The following MACROD2 variants were observed in gnomAD, a reference collection of about 807,000 sequenced individuals.
MACROD2 encodes ADP-ribose glycohydrolase MACROD2.
In MACROD2, 36 loss-of-function variants were observed where a neutral mutation model predicts 70.4. The ratio of observed to expected loss-of-function variants is 0.51; its 90% confidence interval spans 0.39 to 0.68. The LOEUF (loss-of-function observed/expected upper bound fraction) is 0.68. Among genes scored for constraint, MACROD2 ranks in the 30% least tolerant of loss-of-function variants. MACROD2 has a pLI of 0.00. For missense variants in MACROD2, 496 were observed against 538.4 expected (o/e 0.92, Z 0.78); for synonymous variants, 172 against 178.8 (o/e 0.96, Z 0.30).
intron 3 of MACROD2, among the ~76,000 whole-genome samples, chr20:14,158,975 G>A (rs901146863): frequency 2.0e-5 from 3 of 152,072 alleles, no homozygotes; most frequent in African/African-American, 4.8e-5. Flanking sequence ...GGTGGCTCAC[G>A]CCTGTAATCC....
intron 14 of MACROD2, 67 bp downstream of exon 14, chr20:15,986,868 T>C (rs2066491447): frequency 5.5e-6 from 7 of 1,268,376 alleles, no homozygotes; most frequent in Non-Finnish European, 8.0e-6. Context: ...CTTCTATATA[T>C]ACCTGTGTGT....
chr20:15,385,169 G>T (rs572775168), intron 6 of MACROD2, among the ~76,000 whole-genome samples: 1 of 151,804 alleles, frequency 6.6e-6, no homozygotes, highest in South Asian at 2.1e-4. Context: ...AGAGAACATG[G>T]TATCTACACA....
intron 8 of MACROD2, among the ~76,000 whole-genome samples, chr20:15,801,186 T>TAA (rs1197681475): frequency 3.4e-5 from 3 of 89,312 alleles, no homozygotes; most frequent in South Asian, 3.3e-4. Flanking sequence ...AATGATCAAT[T>TAA]AAAAAAAAAA....
At chr20:14,075,648 G>T (rs2053907932) in intron 2 of MACROD2, among the ~76,000 whole-genome samples, 1 of 152,000 alleles carries the variant, frequency 6.6e-6, no homozygotes. Context: ...ATCTTTTGAT[G>T]TTTCCCTTCA....
At chr20:14,983,340 T>C (rs1600907530) in intron 5 of MACROD2, among the ~76,000 whole-genome samples, 1 of 152,184 alleles carries the variant, frequency 6.6e-6, no homozygotes, top group East Asian at 1.9e-4. Flanking sequence ...GTTAAGACTT[T>C]GGGGGAGTGT....
At chr20:14,427,930 T>C (rs573749638) in intron 3 of MACROD2, among the ~76,000 whole-genome samples, 3 of 152,292 alleles carry the variant, frequency 2.0e-5, no homozygotes, top group East Asian at 3.9e-4. Flanking sequence ...ATTGTGTAAA[T>C]GTTCTATGAT....
At chr20:14,605,807 A>G (rs1982763304) in intron 4 of MACROD2, among the ~76,000 whole-genome samples, 1 of 152,184 alleles carries the variant, frequency 6.6e-6, no homozygotes, top group Non-Finnish European at 1.5e-5. Flanking sequence ...TCTAAGAGTT[A>G]CTTCTCAAAA....
intron 5 of MACROD2, among the ~76,000 whole-genome samples, chr20:15,078,119 C>T (rs936767547): frequency 2.6e-5 from 4 of 152,144 alleles, no homozygotes; most frequent in Middle Eastern, 6.8e-3. Flanking sequence ...GGGAGTTTAT[C>T]GGGTCCTGGG....
intron 6 of MACROD2, among the ~76,000 whole-genome samples, chr20:15,247,702 AT>A (rs529924188): frequency 1.3e-3 from 191 of 145,696 alleles, no homozygotes; most frequent in Middle Eastern, 3.6e-3. Context: ...GCTTTGACAG[AT>A]TTTTTTTTTT....
chr20:14,618,233 A>G (rs1983593276), intron 4 of MACROD2, among the ~76,000 whole-genome samples: 1 of 152,124 alleles, frequency 6.6e-6, no homozygotes, highest in Non-Finnish European at 1.5e-5. Flanking sequence ...AAGGAATTCA[A>G]AATAGCAGTT....
At chr20:14,351,505 TG>T (rs2083122966) in intron 3 of MACROD2, among the ~76,000 whole-genome samples, 1 of 152,196 alleles carries the variant, frequency 6.6e-6, no homozygotes. Context: ...TTGTGGCTAT[TG>T]TAAATGGGAT....
At chr20:15,922,875 T>C (rs1438727491) in intron 10 of MACROD2, among the ~76,000 whole-genome samples, 2 of 152,258 alleles carry the variant, frequency 1.3e-5, no homozygotes, top group Non-Finnish European at 2.9e-5. Flanking sequence ...TTTTGCTCAA[T>C]GATGAATCCA....
At chr20:14,827,362 A>G (rs1443399058) in intron 5 of MACROD2, among the ~76,000 whole-genome samples, 1 of 152,152 alleles carries the variant, frequency 6.6e-6, no homozygotes, top group Non-Finnish European at 1.5e-5. Context: ...ATTTTCCTCT[A>G]TCCAGCCCCT....
intron 3 of MACROD2, among the ~76,000 whole-genome samples, chr20:14,094,609 C>T (rs2054197801): frequency 6.6e-6 from 1 of 152,084 alleles, no homozygotes; most frequent in Admixed American, 6.6e-5. Flanking sequence ...TTGGTAGTCT[C>T]CTCTCCTTAG....
chr20:14,065,125 T>C (rs937028648), intron 2 of MACROD2, among the ~76,000 whole-genome samples: 25 of 152,338 alleles, frequency 1.6e-4, no homozygotes, highest in African/African-American at 5.5e-4. Flanking sequence ...GCTGGACTCC[T>C]GTGGGTCCTA....
At chr20:15,183,593 C>T (rs1221961720) in intron 5 of MACROD2, among the ~76,000 whole-genome samples, 1 of 152,058 alleles carries the variant, frequency 6.6e-6, no homozygotes, top group Admixed American at 6.6e-5. Context: ...CTAGTATATA[C>T]TCAAATAAAG....
At chr20:14,233,704 AAAAAAAAAAGAAAAG>A (rs1218623699) in intron 3 of MACROD2, among the ~76,000 whole-genome samples, 3 of 139,744 alleles carry the variant, frequency 2.1e-5, no homozygotes, top group Non-Finnish European at 4.7e-5. Flanking sequence ...CTCACAAAAA[AAAAAAAAAAGAAAAG>A]AAAAGAAAAG....
At chr20:15,508,970 T>G (rs1243730176) in intron 8 of MACROD2, among the ~76,000 whole-genome samples, 3 of 152,176 alleles carry the variant, frequency 2.0e-5, no homozygotes, top group Non-Finnish European at 2.9e-5. Context: ...CATTTTAAGT[T>G]TTTACAACTC....
Position 15,133,823 on chromosome 20 carries a change from T to C in MACROD2, c.419-96117T>C, listed in dbSNP as rs1330447378. 6.6e-5 allele frequency among the ~76,000 whole-genome samples: 10 copies of C among 152,002 alleles called. No individual in the cohort carries two copies. The East Asian group carries it at 1.5e-3, about 23-fold the overall frequency. The stretch of plus-strand genomic sequence containing the variant: ...AATAACACAATATGATGAAGAATTA[T>C]GAAAATCTTTTAAAATTAACTGTTT... On this transcript the variant is annotated intron_variant, in intron 5 of 17. Coordinates refer to ENST00000684519, the MANE Select transcript of MACROD2 (RefSeq NM_001351661.2).
Sources: allele counts gnomAD v4.1 joint callset (sites outside exome capture counted in the v4.1 genomes callset), GRCh38; gene constraint gnomAD v4.1.1; transcripts MANE v1.5; gene names NCBI Gene and HGNC (gene_info 2026-07-23, HGNC 2026-07-21).